The following NKAIN3 variants were observed in gnomAD, a reference collection of about 807,000 sequenced individuals.
NKAIN3 encodes the protein sodium/potassium transporting ATPase interacting 3.
A neutral mutation model predicts 30.2 loss-of-function variants in NKAIN3; 25 were observed. The observed-to-expected ratio is 0.83, with a 90% CI of 0.60 to 1.16. The LOEUF (loss-of-function observed/expected upper bound fraction) is 1.16, where lower values mean the gene tolerates loss of function less well. NKAIN3 is among the 50% of genes most tolerant of loss of function. NKAIN3 has a pLI of 0.00. For synonymous variants in NKAIN3, 91 were observed against 89.6 expected, an observed-to-expected ratio of 1.02 and a Z score of -0.09; for missense variants, 225 against 254.1, an observed-to-expected ratio of 0.89 and a Z score of 0.78.
chr8:62,762,252 G>T (rs1337282227), intron 4 of NKAIN3, among the ~76,000 whole-genome samples: 2 of 151,904 alleles, frequency 1.3e-5, no homozygotes, highest in African/African-American at 2.4e-5. Context: ...GGAGGTGGAA[G>T]TTGCAGTGAG....
intron 4 of NKAIN3, among the ~76,000 whole-genome samples, chr8:62,806,570 C>T (rs910092967): frequency 8.5e-5 from 13 of 152,092 alleles, no homozygotes; most frequent in East Asian, 3.9e-4. Context: ...AACCAAACAC[C>T]GCATGTTCTC....
intron 4 of NKAIN3, among the ~76,000 whole-genome samples, chr8:62,765,069 C>T (rs747269657): frequency 1.3e-5 from 2 of 151,722 alleles, no homozygotes; most frequent in Non-Finnish European, 2.9e-5. Flanking sequence ...ATAGTGAAAC[C>T]TCGTCTGTAC....
At chr8:62,541,436 C>T (rs137868038) in intron 1 of NKAIN3, among the ~76,000 whole-genome samples, 2,486 of 152,240 alleles carry the variant, frequency 0.016, 63 homozygotes, top group African/African-American at 0.057. Context: ...ATAGAATCCT[C>T]TTTTTGTATC....
At chr8:62,857,771 T>C (rs1318374077) in intron 4 of NKAIN3, among the ~76,000 whole-genome samples, 4 of 152,236 alleles carry the variant, frequency 2.6e-5, no homozygotes, top group African/African-American at 7.2e-5. Context: ...ATTCTTTGTG[T>C]TGGGTTAAAA....
chr8:62,628,454 TCC>T (rs1372627133), intron 3 of NKAIN3, among the ~76,000 whole-genome samples: 4 of 152,178 alleles, frequency 2.6e-5, no homozygotes, highest in Non-Finnish European at 5.9e-5. Context: ...TGACGAATGA[TCC>T]CATTATCTAA....
intron 4 of NKAIN3, among the ~76,000 whole-genome samples, chr8:62,875,734 CT>C (rs1820776819): frequency 6.6e-6 from 1 of 152,094 alleles, no homozygotes; most frequent in Admixed American, 6.6e-5. Context: ...AAAGGATCTC[CT>C]CCTATTCAGG....
chr8:62,674,993 G>A (rs1047840165), intron 3 of NKAIN3, among the ~76,000 whole-genome samples: 2 of 152,146 alleles, frequency 1.3e-5, no homozygotes, highest in East Asian at 1.9e-4. Flanking sequence ...CACATGAAGC[G>A]TCTGCACAGG....
At chr8:62,642,936 A>G (rs568550082) in intron 3 of NKAIN3, among the ~76,000 whole-genome samples, 1 of 152,294 alleles carries the variant, frequency 6.6e-6, no homozygotes, top group Non-Finnish European at 1.5e-5. Flanking sequence ...ATTTATTGGA[A>G]CTATCTGAAA....
intron 1 of NKAIN3, among the ~76,000 whole-genome samples, chr8:62,362,529 G>GT (rs1177172898): frequency 4.6e-5 from 7 of 152,176 alleles, no homozygotes; most frequent in Admixed American, 3.3e-4. Flanking sequence ...ATTGGAAACT[G>GT]TAAGAGAAGC....
intron 1 of NKAIN3, among the ~76,000 whole-genome samples, chr8:62,358,239 C>CTTTTT (rs34616447): frequency 8.2e-6 from 1 of 121,916 alleles, no homozygotes; most frequent in African/African-American, 3.0e-5. Flanking sequence ...GATCTTATAC[C>CTTTTT]TTTTTTTTTT....
At chr8:62,756,126 G>C (rs1030941410) in intron 4 of NKAIN3, among the ~76,000 whole-genome samples, 6 of 152,130 alleles carry the variant, frequency 3.9e-5, no homozygotes, top group African/African-American at 1.4e-4. Flanking sequence ...TCATTTTAAA[G>C]TGTACAATTC....
chr8:62,275,231 A>G (rs530900182), intron 1 of NKAIN3, among the ~76,000 whole-genome samples: 110 of 152,126 alleles, frequency 7.2e-4, no homozygotes, highest in African/African-American at 2.5e-3. Context: ...AAGTGTTCCT[A>G]TTTCTCCACA....
At chr8:62,589,977 T>C (rs1227594887) in intron 3 of NKAIN3, among the ~76,000 whole-genome samples, 183 bp downstream of exon 3, 1 of 151,006 alleles carries the variant, frequency 6.6e-6, no homozygotes, top group Non-Finnish European at 1.5e-5. Flanking sequence ...AGAATGATCT[T>C]AGGAGTGTGT....
rs1374089502 is a variant in NKAIN3 at position 62,968,861 on chromosome 8, T to C, written c.*3454T>C. 6.6e-6 allele frequency among the ~76,000 whole-genome samples: 1 copy of C among 152,304 alleles called. No individual in the cohort carries two copies. Among genetic ancestry groups the C allele is most frequent in the Non-Finnish European group, 1.5e-5 (1 of 68,016 alleles). ...CTTTATTTGAGCTTCTGGTCATGTT[T>C]CAAAGCCATCAAAATCTAAGCAAGG... On this transcript the variant is annotated 3_prime_UTR_variant, in exon 7 of 7. Transcript: ENST00000623646.
chr8:62,416,205 A>T (rs187073009), intron 1 of NKAIN3, among the ~76,000 whole-genome samples: 18 of 152,198 alleles, frequency 1.2e-4, no homozygotes, highest in African/African-American at 4.1e-4. Context: ...CCAGCCGTCT[A>T]CCATCTACAA....
In NKAIN3 at chr8:62,977,059, G is replaced by C. The variant is rs565123846; in HGVS notation, c.*11652G>C. On this transcript the variant is annotated 3_prime_UTR_variant, in exon 7 of 7. Coordinates refer to ENST00000623646, the MANE Select transcript of NKAIN3 (RefSeq NM_001304533.3). The stretch of plus-strand genomic sequence containing the variant: ...GTTTCTGCAGAGAGATCTGCTGTTA[G>C]TATGATGGGCTTCCCTTTGTAGGTA... Among the ~76,000 whole-genome samples the C allele has an allele frequency of 5.9e-5, 9 of 152,190 alleles. No individual in the cohort carries two copies. The South Asian group carries it at 1.7e-3, about 28-fold the overall frequency.
At chr8:62,654,897 T>C (rs1165308251) in intron 3 of NKAIN3, among the ~76,000 whole-genome samples, 1 of 152,012 alleles carries the variant, frequency 6.6e-6, no homozygotes, top group Non-Finnish European at 1.5e-5. Context: ...GGAATCCCCA[T>C]AGTTATGGGG....
rs907363417 is a variant in NKAIN3 at position 62,805,877 on chromosome 8, G to T, written c.471+58748G>T. ...AGAGTATACAGGCAACCTACAAAAT[G>T]GGAGAAAATTTTTGCAACCTACTCA... On this transcript the variant is annotated intron_variant, in intron 4 of 6. Coordinates refer to ENST00000623646, the MANE Select transcript of NKAIN3 (RefSeq NM_001304533.3). Among the ~76,000 whole-genome samples, 11 of 152,252 alleles carry T rather than the reference G, an allele frequency of 7.2e-5. 1 individual carries two copies. The highest frequency in any genetic ancestry group is 6.5e-4 in the Admixed American group (10 of 15,290).
At chr8:62,327,668 T>A (rs968803675) in intron 1 of NKAIN3, among the ~76,000 whole-genome samples, 49 of 152,094 alleles carry the variant, frequency 3.2e-4, no homozygotes, top group African/African-American at 9.2e-4. Flanking sequence ...TTATGCCAAA[T>A]GCACTGTTTT....
Sources: gnomAD v4.1 joint callset for allele counts (sites outside exome capture counted in the v4.1 genomes callset) on GRCh38, gnomAD v4.1.1 for gene constraint, MANE v1.5 for transcripts, NCBI Gene and HGNC (gene_info 2026-07-23, HGNC 2026-07-21) for gene names.